HYDIN: variants seen among roughly 807,000 people sequenced by gnomAD.
HYDIN encodes axonemal central pair apparatus protein HYDIN.
HYDIN carries 132 observed loss-of-function variants against 403.9 expected under a neutral mutation model. That is an observed-to-expected ratio of 0.33 (90% CI 0.28 to 0.38). The LOEUF is 0.38. Among genes scored for constraint, HYDIN ranks in the 10% least tolerant of loss-of-function variants. HYDIN has a pLI of 1.00. For synonymous variants in HYDIN, 1,202 were observed against 1,891.7 expected (o/e 0.64, Z 9.46); for missense variants, 2,827 against 5,009.5 (o/e 0.56, Z 13.15).
intron 12 of HYDIN, among the ~76,000 whole-genome samples, chr16:71,086,784 GTGAAT>G (rs1312548818): frequency 1.3e-5 from 2 of 151,768 alleles, no homozygotes; most frequent in African/African-American, 2.4e-5. Flanking sequence ...TAGAGGATCC[GTGAAT>G]TGGAGACAAG....
At chr16:71,039,389 G>T (rs1372180420) in intron 18 of HYDIN, among the ~76,000 whole-genome samples, 1 of 152,172 alleles carries the variant, frequency 6.6e-6, no homozygotes, top group Non-Finnish European at 1.5e-5. Flanking sequence ...GATAGGGACG[G>T]GGGGCAGAGG....
At chr16:70,859,876 A>G (rs1012188262) in intron 71 of HYDIN, among the ~76,000 whole-genome samples, 192 bp downstream of exon 71, 3 of 152,102 alleles carry the variant, frequency 2.0e-5, no homozygotes, top group African/African-American at 7.3e-5. Context: ...GCTAGCCAAG[A>G]GAGCTCAGGT....
At chr16:70,933,084 T>G (rs1165126451) in intron 45 of HYDIN, among the ~76,000 whole-genome samples, 1 of 151,662 alleles carries the variant, frequency 6.6e-6, no homozygotes, top group African/African-American at 2.4e-5. Flanking sequence ...CCCATCCTGT[T>G]TCCAGAACCA....
chr16:71,027,329 T>C (rs2080743208), intron 20 of HYDIN: 1 of 1,349,684 alleles, frequency 7.4e-7, no homozygotes, highest in African/African-American at 1.5e-5. Flanking sequence ...TGGGTGTTTT[T>C]CTACCAGAGA....
At chr16:71,102,829 G>C (rs972481905) in intron 10 of HYDIN, among the ~76,000 whole-genome samples, 20 of 142,630 alleles carry the variant, frequency 1.4e-4, no homozygotes, top group Non-Finnish European at 2.2e-4. Context: ...TAGACTTTTA[G>C]AATCTTTAAT....
At chr16:70,851,109 G>A (rs1219934417) in intron 73 of HYDIN, among the ~76,000 whole-genome samples, 1 of 143,804 alleles carries the variant, frequency 7.0e-6, no homozygotes, top group Non-Finnish European at 1.5e-5. Flanking sequence ...AAACACCATC[G>A]TAGACATCAG....
intron 1 of HYDIN, among the ~76,000 whole-genome samples, chr16:71,217,864 A>G (rs1383018949): frequency 2.0e-5 from 3 of 152,130 alleles, no homozygotes; most frequent in African/African-American, 7.2e-5. Context: ...GGTCCAAGAG[A>G]GGGACCACTG....
chr16:71,075,992 G>C (rs1283086104), intron 13 of HYDIN: 1 of 415,528 alleles, frequency 2.4e-6, no homozygotes. Flanking sequence ...TGTGTGGCTG[G>C]AGAAGGACCC....
intron 67 of HYDIN, among the ~76,000 whole-genome samples, chr16:70,864,823 C>T (rs1036346893): frequency 3.3e-5 from 5 of 152,150 alleles, no homozygotes; most frequent in South Asian, 2.1e-4. Flanking sequence ...GTGTCCCATA[C>T]GGTCTCTGCA....
chr16:71,229,155 G>T (rs1364530799), intron 1 of HYDIN, among the ~76,000 whole-genome samples: 1 of 122,218 alleles, frequency 8.2e-6, no homozygotes, highest in Non-Finnish European at 1.6e-5. Flanking sequence ...GGGGCCTGTT[G>T]TGGGGTGGGG....
At chr16:71,151,129 C>T (rs2085521462) in intron 7 of HYDIN, among the ~76,000 whole-genome samples, 1 of 152,138 alleles carries the variant, frequency 6.6e-6, no homozygotes, top group Admixed American at 6.5e-5. Context: ...AAAACTGATG[C>T]CCCAATGTGT....
intron 8 of HYDIN, among the ~76,000 whole-genome samples, chr16:71,136,596 T>A (rs1320127600): frequency 7.2e-6 from 1 of 139,638 alleles, no homozygotes; most frequent in East Asian, 2.3e-4. Context: ...AAACCCCATG[T>A]CTCTACTAAA....
intron 6 of HYDIN, among the ~76,000 whole-genome samples, chr16:71,161,587 A>G (rs979552237): frequency 2.6e-5 from 4 of 152,248 alleles, no homozygotes; most frequent in African/African-American, 9.6e-5. Context: ...CAGCAACAGC[A>G]GATTGAGTCC....
chr16:71,037,946 T>C (rs1460570188), intron 18 of HYDIN, among the ~76,000 whole-genome samples: 1 of 152,188 alleles, frequency 6.6e-6, no homozygotes, highest in Non-Finnish European at 1.5e-5. Context: ...GATAATTTGT[T>C]ACCCAGCAAG....
At chr16:70,850,083 G>C (rs2038519130) in intron 74 of HYDIN, 136 bp from the exon 75 acceptor site, 7 of 626,446 alleles carry the variant, frequency 1.1e-5, no homozygotes, top group South Asian at 1.9e-5. Context: ...ACTATCTTTA[G>C]CTTAATGGAG....
intron 21 of HYDIN, among the ~76,000 whole-genome samples, chr16:71,023,915 C>A (rs1168714051): frequency 6.6e-6 from 1 of 152,114 alleles, no homozygotes; most frequent in African/African-American, 2.4e-5. Flanking sequence ...CCAGTTGATA[C>A]CTCATGACTG....
intron 6 of HYDIN, among the ~76,000 whole-genome samples, chr16:71,156,772 TTGAG>T (rs2085785974): frequency 6.6e-6 from 1 of 151,948 alleles, no homozygotes; most frequent in Non-Finnish European, 1.5e-5. Context: ...AATTCCTTAC[TTGAG>T]TTTTTAGATT....
Position 70,805,933 on chromosome 16 carries a change from T to C in HYDIN, c.*1647A>G, listed in dbSNP as rs138322612. ...TTCTGAATAACTTGAGGAAATCTCA[T>C]GCCATCCCACTCCATCCTGCTCAGG... On this transcript the variant is annotated 3_prime_UTR_variant, in exon 86 of 86. Coordinates refer to ENST00000393567, the MANE Select transcript of HYDIN (RefSeq NM_001270974.2). Among the ~76,000 whole-genome samples the C allele has an allele frequency of 2.3e-4, 35 of 152,348 alleles. No homozygotes were observed. Among genetic ancestry groups the C allele is most frequent in the Middle Eastern group, 3.4e-3 (1 of 294 alleles).
chr16:70,944,421 T>C (rs2077785103), intron 41 of HYDIN, among the ~76,000 whole-genome samples: 1 of 152,176 alleles, frequency 6.6e-6, no homozygotes, highest in Non-Finnish European at 1.5e-5. Context: ...ATAACAGGGC[T>C]GGGGAAAGAC....
Sources: gnomAD v4.1 joint callset for allele counts (sites outside exome capture counted in the v4.1 genomes callset) on GRCh38, gnomAD v4.1.1 for gene constraint, MANE v1.5 for transcripts, NCBI Gene and HGNC (gene_info 2026-07-23, HGNC 2026-07-21) for gene names.